Variants in ZNF69 observed in about 807,000 individuals in gnomAD.
ZNF69 encodes zinc finger protein 69.
A neutral mutation model predicts 50.9 loss-of-function variants in ZNF69; 47 were observed. The observed-to-expected ratio is 0.92, with a 90% CI of 0.73 to 1.18. The LOEUF (loss-of-function observed/expected upper bound fraction) is 1.18, where lower values mean the gene tolerates loss of function less well. Among genes scored for constraint, ZNF69 ranks in the 50% most tolerant of loss-of-function variants. ZNF69 has a pLI of 0.00. For synonymous variants in ZNF69, 216 were observed against 223.1 expected (o/e 0.97, Z 0.29); for missense variants, 717 against 675.1 (o/e 1.06, Z -0.69).
chr19:11,976,811 A>T, the ZNF69 span: 3 of 1,293,426 alleles, frequency 2.3e-6, no homozygotes, highest in Non-Finnish European at 2.0e-6. Flanking sequence ...CCAAGATCGC[A>T]TCATTATACT....
At chr19:11,974,074 TTTCTTTCTTTCTTTC>T in the ZNF69 span, among the ~76,000 whole-genome samples, 1 of 56,888 alleles carries the variant, frequency 1.8e-5, no homozygotes, top group South Asian at 6.4e-4. Flanking sequence ...CTTTCTTTTC[TTTCTTTCTTTCTTTC>T]TTTCTTTCTT....
the ZNF69 span, among the ~76,000 whole-genome samples, chr19:11,947,768 A>C: frequency 6.6e-6 from 1 of 152,226 alleles, no homozygotes; most frequent in South Asian, 2.1e-4. Context: ...TCCTTTGAGA[A>C]GTGGAGATAG....
the ZNF69 span, among the ~76,000 whole-genome samples, chr19:11,943,416 A>G: frequency 1.1e-4 from 16 of 152,200 alleles, no homozygotes; most frequent in Non-Finnish European, 2.2e-4. Context: ...AAGCTCTGCC[A>G]GTTTTAGTAG....
chr19:11,897,393 C>T (rs995266187), intron 1 of ZNF69, among the ~76,000 whole-genome samples: 9 of 152,018 alleles, frequency 5.9e-5, no homozygotes, highest in Non-Finnish European at 1.0e-4. Context: ...ATTCCAGCAT[C>T]GGCAACATGG....
chr19:11,957,374 G>A, the ZNF69 span, among the ~76,000 whole-genome samples: 304 of 151,886 alleles, frequency 2.0e-3, 2 homozygotes, highest in African/African-American at 6.8e-3. Flanking sequence ...GATTACAGGC[G>A]TGAGCCACCG....
intron 1 of ZNF69, among the ~76,000 whole-genome samples, chr19:11,895,489 C>G (rs1977204146): frequency 6.6e-6 from 1 of 152,166 alleles, no homozygotes; most frequent in South Asian, 2.1e-4. Flanking sequence ...TGAAGTCATA[C>G]TGTGATTAAG....
intron 1 of ZNF69, among the ~76,000 whole-genome samples, chr19:11,892,135 ATTTTTTTTTTTT>A (rs4071659): frequency 7.0e-5 from 8 of 113,936 alleles, no homozygotes; most frequent in African/African-American, 1.1e-4. Context: ...CTCCTGGCTG[ATTTTTTTTTTTT>A]TTTTTTTTTT....
chr19:11,971,905 A>C, the ZNF69 span, among the ~76,000 whole-genome samples: 1 of 152,116 alleles, frequency 6.6e-6, no homozygotes, highest in Non-Finnish European at 1.5e-5. Context: ...TCTACTAAAA[A>C]TACAAAATTA....
the ZNF69 span, among the ~76,000 whole-genome samples, chr19:11,942,887 G>C: frequency 6.6e-6 from 1 of 152,168 alleles, no homozygotes; most frequent in Non-Finnish European, 1.5e-5. Context: ...GAGACAATAA[G>C]AGAGGTGGTC....
chr19:11,916,132 G>A (rs1276883718), downstream of ZNF69, among the ~76,000 whole-genome samples: 4 of 152,198 alleles, frequency 2.6e-5, no homozygotes, highest in Non-Finnish European at 4.4e-5. Context: ...TGAAACAAAT[G>A]TGGGTTTAGG....
chr19:11,950,409 A>G, the ZNF69 span: 5 of 828,988 alleles, frequency 6.0e-6, no homozygotes, highest in South Asian at 6.2e-5. Flanking sequence ...AGTGTGGGAA[A>G]GCCTTCATTC....
At chr19:11,889,385 T>C (rs991985764) in intron 1 of ZNF69, among the ~76,000 whole-genome samples, 1 of 152,218 alleles carries the variant, frequency 6.6e-6, no homozygotes, top group African/African-American at 2.4e-5. Flanking sequence ...CATCCTGTCA[T>C]ACAGAGGCAC....
chr19:11,955,003 T>TC, the ZNF69 span, among the ~76,000 whole-genome samples: 1 of 148,582 alleles, frequency 6.7e-6, no homozygotes, highest in Admixed American at 6.7e-5. Context: ...AAAATTTTTT[T>TC]TTTTTTTTTT....
At chr19:11,942,130 G>C in the ZNF69 span, among the ~76,000 whole-genome samples, 1 of 151,298 alleles carries the variant, frequency 6.6e-6, no homozygotes, top group Non-Finnish European at 1.5e-5. Flanking sequence ...AATGATTCCT[G>C]GGCATCATAA....
At chr19:11,973,039 A>T in the ZNF69 span, among the ~76,000 whole-genome samples, 1 of 152,194 alleles carries the variant, frequency 6.6e-6, no homozygotes, top group Non-Finnish European at 1.5e-5. Context: ...CAATATTATT[A>T]TTACCTAAAG....
At chr19:11,956,300 T>C in the ZNF69 span, among the ~76,000 whole-genome samples, 1 of 152,186 alleles carries the variant, frequency 6.6e-6, no homozygotes, top group African/African-American at 2.4e-5. Context: ...AGAGAGTTAA[T>C]CTTTTTGACA....
At chr19:11,948,632 T>C in the ZNF69 span, 1 of 1,611,518 alleles carries the variant, frequency 6.2e-7, no homozygotes, top group Non-Finnish European at 8.5e-7. Flanking sequence ...GGAAAAACCT[T>C]TATTTTCCAT....
At chr19:11,975,522 C>T in the ZNF69 span, among the ~76,000 whole-genome samples, 70 of 152,196 alleles carry the variant, frequency 4.6e-4, no homozygotes, top group Non-Finnish European at 4.6e-4. Flanking sequence ...CTCAGCCTCC[C>T]GAGTAGCTGA....
At chr19:11,961,762 C>A in the ZNF69 span, 1 of 151,976 alleles carries the variant, frequency 6.6e-6, no homozygotes, top group South Asian at 2.1e-4. Context: ...ATTACAGGTG[C>A]GTGCCACCAC....
Sources: gnomAD v4.1 joint callset for allele counts (sites outside exome capture counted in the v4.1 genomes callset) on GRCh38, gnomAD v4.1.1 for gene constraint, MANE v1.5 for transcripts, NCBI Gene and HGNC (gene_info 2026-07-23, HGNC 2026-07-21) for gene names.